Variants in AXDND1 observed in about 807,000 individuals in gnomAD.
AXDND1 encodes axonemal dynein light chain domain-containing protein 1.
Under a neutral mutation model 137.5 loss-of-function variants are expected in AXDND1, and 110 were observed. The observed-to-expected ratio is 0.80, with a 90% CI of 0.69 to 0.94. AXDND1 has a LOEUF of 0.94. AXDND1 is among the 40% of genes least tolerant of loss of function. The pLI is 0.00. For synonymous variants in AXDND1, 414 were observed against 399.7 expected (o/e 1.04, Z -0.43); for missense variants, 1,191 against 1,169.8 (o/e 1.02, Z -0.26).
intron 20 of AXDND1, among the ~76,000 whole-genome samples, chr1:179,508,767 T>A (rs1459243433): frequency 1.3e-5 from 2 of 152,140 alleles, no homozygotes; most frequent in African/African-American, 4.8e-5. Context: ...CCAAGCATCA[T>A]ACTTAACTAT....
chr1:179,459,466 G>T (rs955811949), intron 16 of AXDND1, among the ~76,000 whole-genome samples: 1 of 152,082 alleles, frequency 6.6e-6, no homozygotes, highest in Non-Finnish European at 1.5e-5. Flanking sequence ...GTGATTACTT[G>T]TTTAAGGCTT....
chr1:179,439,630 A>G (rs183340481), intron 15 of AXDND1, among the ~76,000 whole-genome samples: 2 of 152,316 alleles, frequency 1.3e-5, no homozygotes, highest in East Asian at 3.9e-4. Flanking sequence ...GGCCAAGAAT[A>G]TGGAATCAGG....
intron 15 of AXDND1, among the ~76,000 whole-genome samples, chr1:179,438,013 A>G (rs4618931): frequency 0.65 from 98,128 of 151,550 alleles, 32,087 homozygotes; most frequent in Middle Eastern, 0.7. Flanking sequence ...TTAGCCAGGC[A>G]TGGTGGCAGG....
intron 16 of AXDND1, among the ~76,000 whole-genome samples, chr1:179,445,720 G>A (rs910476162): frequency 1.3e-5 from 2 of 152,140 alleles, no homozygotes; most frequent in Non-Finnish European, 2.9e-5. Context: ...AATAGTGTAT[G>A]TATAAATCAC....
intron 11 of AXDND1, among the ~76,000 whole-genome samples, chr1:179,407,935 T>G (rs1046680629): frequency 1.3e-5 from 2 of 152,218 alleles, no homozygotes; most frequent in African/African-American, 4.8e-5. Context: ...TAAGCTTTCT[T>G]CATTGTTTTC....
At chr1:179,541,124 G>A (rs1308432821) in intron 25 of AXDND1, among the ~76,000 whole-genome samples, 2 of 152,222 alleles carry the variant, frequency 1.3e-5, no homozygotes, top group East Asian at 3.8e-4. Context: ...GTGGGTGGGG[G>A]ACCCGCTGAG....
At chr1:179,435,518 C>CA (rs1211249500) in intron 15 of AXDND1, among the ~76,000 whole-genome samples, 1 of 152,080 alleles carries the variant, frequency 6.6e-6, no homozygotes, top group African/African-American at 2.4e-5. Flanking sequence ...ATAAAACAAA[C>CA]AGAGACCTGA....
intron 21 of AXDND1, among the ~76,000 whole-genome samples, chr1:179,514,505 G>A (rs979210347): frequency 6.6e-6 from 1 of 152,034 alleles, no homozygotes; most frequent in Non-Finnish European, 1.5e-5. Flanking sequence ...TCTTGGAGAA[G>A]GTTCTGTGCA....
chr1:179,480,996 A>T (rs200599413), intron 17 of AXDND1, among the ~76,000 whole-genome samples: 5 of 45,888 alleles, frequency 1.1e-4, no homozygotes, highest in Non-Finnish European at 1.7e-4. Flanking sequence ...ATATTTTTTT[A>T]ATTATACTTT....
intron 21 of AXDND1, among the ~76,000 whole-genome samples, chr1:179,511,308 T>C (rs113736142): frequency 6.7e-6 from 1 of 149,678 alleles, no homozygotes; most frequent in Non-Finnish European, 1.5e-5. Context: ...TATATTCCAA[T>C]CATATACATA....
At position 179,545,346 on chromosome 1, in the gene AXDND1, A is replaced by C. The variant is rs558252805; in HGVS notation, c.3032-9166A>C. On this transcript the variant is annotated intron_variant, in intron 25 of 25. Coordinates refer to ENST00000367618, the MANE Select transcript of AXDND1 (RefSeq NM_144696.6). Reference sequence around the variant, plus strand: ...TAGAGTCCCCATCTTTATTTAAGCCAACCCTGGCCAGGCCTGTCATTGGCC... The same window carrying C: ...TAGAGTCCCCATCTTTATTTAAGCCCACCCTGGCCAGGCCTGTCATTGGCC... The C allele has an allele frequency of 3.3e-5, 5 of 152,352 alleles. No homozygotes were observed. In the South Asian group the frequency reaches 1.0e-3, roughly 32 times the overall value. 9.4% of individuals were successfully genotyped at this position (152,352 alleles called of 1,614,324 possible).
intron 11 of AXDND1, among the ~76,000 whole-genome samples, chr1:179,402,731 A>G (rs886427010): frequency 3.9e-5 from 6 of 152,176 alleles, no homozygotes; most frequent in African/African-American, 1.2e-4. Flanking sequence ...CCTTCCTGCT[A>G]TGGTCCCTTT....
intron 25 of AXDND1, among the ~76,000 whole-genome samples, chr1:179,539,237 G>C (rs1197616029): frequency 1.3e-5 from 2 of 152,194 alleles, no homozygotes; most frequent in Non-Finnish European, 2.9e-5. Flanking sequence ...TCATTGTGAT[G>C]CTAGCTGGTT....
chr1:179,412,392 C>A (rs1654034683), intron 12 of AXDND1, among the ~76,000 whole-genome samples: 1 of 152,126 alleles, frequency 6.6e-6, no homozygotes, highest in Non-Finnish European at 1.5e-5. Context: ...CTACTGGTGG[C>A]AGGTCACAGC....
intron 9 of AXDND1, among the ~76,000 whole-genome samples, chr1:179,391,165 G>C (rs1435696967): frequency 6.8e-6 from 1 of 146,390 alleles, no homozygotes; most frequent in African/African-American, 2.5e-5. Context: ...TGGAATGTCT[G>C]TTTACTATTT....
chr1:179,552,763 C>T, intron 25 of AXDND1: 1 of 1,044,250 alleles, frequency 9.6e-7, no homozygotes, highest in Non-Finnish European at 1.5e-6. Flanking sequence ...GCAAGCCTCT[C>T]TACTGCTGTC....
chr1:179,384,580 A>G (rs751642131), intron 8 of AXDND1, among the ~76,000 whole-genome samples: 7 of 152,106 alleles, frequency 4.6e-5, no homozygotes, highest in Non-Finnish European at 1.0e-4. Flanking sequence ...ACAGTTTCTC[A>G]GCCTTTCTTT....
chr1:179,440,836 C>T (rs1405097475), intron 15 of AXDND1, among the ~76,000 whole-genome samples: 1 of 152,214 alleles, frequency 6.6e-6, no homozygotes, highest in Non-Finnish European at 1.5e-5. Flanking sequence ...CGACCGGCTA[C>T]ATTTACAGCA....
At chr1:179,380,278 G>A (rs998508943) in intron 6 of AXDND1, among the ~76,000 whole-genome samples, 3 of 148,748 alleles carry the variant, frequency 2.0e-5, no homozygotes, top group Non-Finnish European at 3.0e-5. Context: ...GAAAGAAAAA[G>A]ATACAAATTA....
Sources: gnomAD v4.1 joint callset for allele counts (sites outside exome capture counted in the v4.1 genomes callset) on GRCh38, gnomAD v4.1.1 for gene constraint, MANE v1.5 for transcripts, NCBI Gene and HGNC (gene_info 2026-07-23, HGNC 2026-07-21) for gene names.